The following ELP4 variants were observed in gnomAD, a reference collection of about 807,000 sequenced individuals.
The protein encoded by ELP4 is elongator complex protein 4.
A neutral mutation model predicts 48.9 loss-of-function variants in ELP4; 51 were observed. The ratio of observed to expected loss-of-function variants is 1.04; its 90% CI spans 0.83 to 1.32. The LOEUF is 1.32. Ranked by LOEUF, ELP4 falls within the 40% of genes most tolerant of loss-of-function variation. The probability of loss-of-function intolerance (pLI) is 0.00; values close to 1 mark genes in which losing one functional copy is unlikely to be tolerated. For missense variants in ELP4, 519 were observed against 514.6 expected, an observed-to-expected ratio of 1.01 and a Z score of -0.08; for synonymous variants, 210 against 189.2, an observed-to-expected ratio of 1.11 and a Z score of -0.90.
At chr11:31,676,687 G>A (rs1006216014) in intron 9 of ELP4, among the ~76,000 whole-genome samples, 1 of 152,160 alleles carries the variant, frequency 6.6e-6, no homozygotes, top group African/African-American at 2.4e-5. Flanking sequence ...GTTAGACACT[G>A]TATAGGCACT....
At chr11:31,577,793 C>T (rs1169211427) in intron 3 of ELP4, among the ~76,000 whole-genome samples, 3 of 152,116 alleles carry the variant, frequency 2.0e-5, no homozygotes, top group African/African-American at 7.2e-5. Flanking sequence ...TGGGACGTAT[C>T]TCAAAATAAT....
rs71060498 is a variant in ELP4 at position 31,678,495 on chromosome 11, A to ATGTGTG, written c.1143+28316_1143+28321dup. 4.5e-3 allele frequency among the ~76,000 whole-genome samples: 619 copies of ATGTGTG among 137,466 alleles called. 6 individuals are homozygous for ATGTGTG. The highest frequency in any genetic ancestry group is 0.018 in the African/African-American group (575 of 32,856). 90.2% of individuals were successfully genotyped at this position (137,466 alleles called of 152,430 possible). ...TATTATTTATTGCATACATATATGT[A>ATGTGTG]TGTGTGTGTGTGTGTGTGTGTGTGT... On this transcript the variant is annotated intron_variant, in intron 9 of 9. Coordinates refer to ENST00000640961, the MANE Select transcript of ELP4 (RefSeq NM_019040.5).
In ELP4 at chr11:31,593,355, C is replaced by T. The variant is rs1212349879; in HGVS notation, c.382-1415C>T. Among the ~76,000 whole-genome samples the T allele has an allele frequency of 4.6e-5, 7 of 152,040 alleles. No individual in the cohort carries two copies. In the South Asian group the frequency reaches 1.2e-3, roughly 27 times the overall value. On this transcript the variant is annotated intron_variant, in intron 3 of 9. Coordinates refer to ENST00000640961, the MANE Select transcript of ELP4 (RefSeq NM_019040.5). ...TTAGCCTCAACCTCCTGGGCTCAAG[C>T]GATCCTCCCCTAAGTAGTTGGCACT...
intron 3 of ELP4, among the ~76,000 whole-genome samples, chr11:31,584,918 T>C (rs1957449430): frequency 6.6e-6 from 1 of 152,208 alleles, no homozygotes; most frequent in African/African-American, 2.4e-5. Context: ...CTAAACAGAA[T>C]GTCCAGTTAG....
intron 3 of ELP4, among the ~76,000 whole-genome samples, chr11:31,593,075 A>G (rs1024008312): frequency 6.6e-6 from 1 of 152,228 alleles, no homozygotes. Context: ...CAATATTGAC[A>G]ATACAAAATG....
chr11:31,589,667 C>A (rs966757148), intron 3 of ELP4, among the ~76,000 whole-genome samples: 5 of 152,128 alleles, frequency 3.3e-5, no homozygotes, highest in African/African-American at 1.2e-4. Context: ...GATACCACAT[C>A]TATGTGACAA....
chr11:31,532,827 A>C (rs1170610984), intron 2 of ELP4, among the ~76,000 whole-genome samples: 2 of 142,100 alleles, frequency 1.4e-5, no homozygotes, highest in African/African-American at 5.3e-5. Context: ...GCTGGAGTGC[A>C]ATGGTGTGAT....
intron 1 of ELP4, among the ~76,000 whole-genome samples, chr11:31,515,340 A>G (rs909914307): frequency 6.6e-6 from 1 of 152,166 alleles, no homozygotes; most frequent in Non-Finnish European, 1.5e-5. Flanking sequence ...TCTAAACATT[A>G]GAATTTTAAT....
chr11:31,599,854 G>A (rs1957747295), intron 4 of ELP4: 3 of 152,088 alleles, frequency 2.0e-5, no homozygotes, highest in Non-Finnish European at 4.4e-5. Flanking sequence ...TTGAGATTTG[G>A]GTGGGGACAC....
At chr11:31,701,027 G>A (rs1263552886) in intron 9 of ELP4, among the ~76,000 whole-genome samples, 1 of 151,958 alleles carries the variant, frequency 6.6e-6, no homozygotes, top group Admixed American at 6.6e-5. Context: ...ATTTCAAGCA[G>A]TACCTTTTTA....
chr11:31,761,090 C>T (rs187987851), intron 9 of ELP4, among the ~76,000 whole-genome samples: 25 of 152,202 alleles, frequency 1.6e-4, no homozygotes, highest in African/African-American at 3.6e-4. Flanking sequence ...AGGCTGTTCG[C>T]GGTGGCTCAC....
chr11:31,680,345 G>T (rs780848440), intron 9 of ELP4, among the ~76,000 whole-genome samples: 3 of 152,070 alleles, frequency 2.0e-5, no homozygotes, highest in Non-Finnish European at 2.9e-5. Flanking sequence ...CTTGAAACTG[G>T]CAAGAATCCC....
rs1471338581 is a variant in ELP4, at chr11:31,601,567, A to G, written c.514-2201A>G. ...GATTCATTCCAAATCTGAGATTTCT[A>G]TCACATTAATATTGTAATTAGAAAC... On this transcript the variant is annotated intron_variant, in intron 4 of 9. Transcript: ENST00000640961. 3.9e-5 allele frequency among the ~76,000 whole-genome samples: 6 copies of G among 152,194 alleles called. No individual in the cohort carries two copies. The East Asian group carries it at 7.7e-4, about 20-fold the overall frequency.
intron 9 of ELP4, among the ~76,000 whole-genome samples, chr11:31,706,695 G>A (rs2134165212): frequency 6.6e-6 from 1 of 150,998 alleles, no homozygotes; most frequent in Non-Finnish European, 1.5e-5. Context: ...AGCTATAAAT[G>A]TACATCCTTT....
rs193162291 is a variant in ELP4, at chr11:31,547,790, G to C, written c.381+8007G>C. On this transcript the variant is annotated intron_variant, in intron 3 of 9. Coordinates refer to ENST00000640961, the MANE Select transcript of ELP4 (RefSeq NM_019040.5). Reference sequence around the variant, plus strand: ...GCACATCAAAAAGCTTATCCACCACGATCAAGTGGACTTCATCCCTGGGAT... The same window carrying C: ...GCACATCAAAAAGCTTATCCACCACCATCAAGTGGACTTCATCCCTGGGAT... Among the ~76,000 whole-genome samples the C allele has an allele frequency of 5.7e-3, 870 of 152,214 alleles. 12 individuals are homozygous for C. Among genetic ancestry groups the C allele is most frequent in the African/African-American group, 0.02 (840 of 41,532 alleles).
intron 9 of ELP4, among the ~76,000 whole-genome samples, chr11:31,677,489 T>C (rs1048956312): frequency 6.6e-6 from 1 of 152,212 alleles, no homozygotes; most frequent in East Asian, 1.9e-4. Context: ...GAAAGTCTTC[T>C]TAAAACCCAA....
chr11:31,594,558 C>T (rs981358102), intron 3 of ELP4, among the ~76,000 whole-genome samples: 3 of 151,948 alleles, frequency 2.0e-5, no homozygotes, highest in Non-Finnish European at 4.4e-5. Flanking sequence ...CTTTAAATTC[C>T]AGTTTATTGC....
intron 6 of ELP4, chr11:31,628,436 TACACACACACAC>T (rs55801807): frequency 6.8e-6 from 1 of 148,134 alleles, no homozygotes; most frequent in African/African-American, 2.5e-5. Flanking sequence ...GCAAAAGGAA[TACACACACACAC>T]ACACACACAC....
rs183439853 is a variant in ELP4 at position 31,717,664 on chromosome 11, G to A, written c.1144-65729G>A. ...AGCTACTCGGGAGGCTGAGGCAAAA[G>A]AATCGCTTGAACCCAGGAGGCGGTG... On this transcript the variant is annotated intron_variant, in intron 9 of 9. Coordinates refer to ENST00000640961, the MANE Select transcript of ELP4 (RefSeq NM_019040.5). 1.4e-3 allele frequency among the ~76,000 whole-genome samples: 219 copies of A among 151,620 alleles called. 1 individual carries two copies. Among genetic ancestry groups the A allele is most frequent in the African/African-American group, 5.1e-3 (211 of 41,290 alleles).
Sources: allele counts gnomAD v4.1 joint callset (sites outside exome capture counted in the v4.1 genomes callset), GRCh38; gene constraint gnomAD v4.1.1; transcripts MANE v1.5; gene names NCBI Gene and HGNC (gene_info 2026-07-23, HGNC 2026-07-21).